The following ATP9A variants were observed in gnomAD, a reference collection of about 807,000 sequenced individuals.
The protein encoded by ATP9A is ATPase phospholipid transporting 9A.
In ATP9A, 52 loss-of-function variants were observed where a neutral mutation model predicts 144.1. The observed-to-expected ratio is 0.36, with a 90% CI of 0.29 to 0.45. ATP9A has a LOEUF of 0.45. Ranked by LOEUF, ATP9A falls within the 20% of genes least tolerant of loss-of-function variation. The pLI is 1.00. For synonymous variants in ATP9A, 582 were observed against 557.4 expected (o/e 1.04, Z -0.62); for missense variants, 947 against 1,392.7 (o/e 0.68, Z 5.09).
chr20:51,625,042 C>A (rs1341319059), intron 18 of ATP9A, 150 bp downstream of exon 18: 2 of 574,566 alleles, frequency 3.5e-6, no homozygotes, highest in Non-Finnish European at 5.6e-6. Context: ...GTTGGAGGGG[C>A]AGAAACAGTG....
intron 2 of ATP9A, among the ~76,000 whole-genome samples, chr20:51,727,577 C>T (rs62226708): frequency 0.068 from 10,256 of 151,504 alleles, 797 homozygotes; most frequent in African/African-American, 0.19. Context: ...CAATGAGTCC[C>T]CCACCTCAAA....
At chr20:51,626,144 AC>A (rs2122729879) in intron 17 of ATP9A, among the ~76,000 whole-genome samples, 1 of 152,322 alleles carries the variant, frequency 6.6e-6, no homozygotes, top group Non-Finnish European at 1.5e-5. Flanking sequence ...GGATGGGATG[AC>A]AATAAGCAAG....
intron 15 of ATP9A, among the ~76,000 whole-genome samples, chr20:51,635,758 G>T (rs1568795695): frequency 8.0e-6 from 1 of 124,842 alleles, no homozygotes; most frequent in African/African-American, 2.9e-5. Context: ...AGGAAAAAGA[G>T]AAGAGAAAAG....
rs12480461 is a variant in ATP9A at position 51,600,212 on chromosome 20, C to G, written c.*999G>C. On this transcript the variant is annotated 3_prime_UTR_variant, in exon 28 of 28. Transcript: ENST00000338821. ...TGTGGGGTCATCTTCCATTATGCCT[C>G]CTAACAGGAAACAGGCTTCTATGGA... is the stretch of plus-strand genomic sequence containing the variant. 1 of 152,014 alleles carries G rather than the reference C, an allele frequency of 6.6e-6. No individual in the cohort carries two copies. The highest frequency in any genetic ancestry group is 1.9e-4 in the East Asian group (1 of 5,206). 9.4% of individuals were successfully genotyped at this position (152,014 alleles called of 1,614,324 possible).
intron 14 of ATP9A, among the ~76,000 whole-genome samples, chr20:51,653,437 A>G (rs1415928492): frequency 1.3e-5 from 2 of 152,176 alleles, no homozygotes; most frequent in Non-Finnish European, 2.9e-5. Context: ...CAACAGGAGC[A>G]TCAGGGGCCT....
chr20:51,721,463 C>T (rs1457677106), intron 3 of ATP9A, among the ~76,000 whole-genome samples: 1 of 152,030 alleles, frequency 6.6e-6, no homozygotes, highest in Non-Finnish European at 1.5e-5. Context: ...CTACACAAAG[C>T]TTTAAAATTA....
At chr20:51,618,473 C>A (rs934261333) in intron 21 of ATP9A, among the ~76,000 whole-genome samples, 189 bp downstream of exon 21, 9 of 152,106 alleles carry the variant, frequency 5.9e-5, no homozygotes, top group Non-Finnish European at 1.0e-4. Flanking sequence ...TGCTTATCTA[C>A]TCTCCAAGGG....
At chr20:51,628,188 T>C (rs923469883) in intron 16 of ATP9A, among the ~76,000 whole-genome samples, 1 of 152,176 alleles carries the variant, frequency 6.6e-6, no homozygotes, top group Non-Finnish European at 1.5e-5. Flanking sequence ...CAGGCCCCTG[T>C]AGGCATTTGA....
chr20:51,672,917 C>T (rs1381869463), intron 11 of ATP9A, among the ~76,000 whole-genome samples: 1 of 152,118 alleles, frequency 6.6e-6, no homozygotes, highest in East Asian at 1.9e-4. Flanking sequence ...GTAGACCAAA[C>T]TCCCCTTTTT....
At chr20:51,612,879 G>A (rs1274899877) in intron 23 of ATP9A, among the ~76,000 whole-genome samples, 1 of 152,182 alleles carries the variant, frequency 6.6e-6, no homozygotes, top group Non-Finnish European at 1.5e-5. Flanking sequence ...ACTAGGCTCT[G>A]CTGGAAGACA....
chr20:51,625,175 C>A lies in ATP9A; in HGVS notation c.2016+17G>T, dbSNP rs2235859. ...CATTGCCCTGGAGTGCCCTTCCCTG[C>A]GGGCAGCCCGCCCTACCTTGATGCC... On this transcript the variant is annotated intron_variant, in intron 18 of 27. Transcript: ENST00000338821. 0.48 allele frequency: 771,510 copies of A among 1,598,782 alleles called. 188,409 individuals are homozygous for A. The highest frequency in any genetic ancestry group is 0.63 in the African/African-American group (46,898 of 74,796).
intron 14 of ATP9A, among the ~76,000 whole-genome samples, chr20:51,643,182 G>T (rs923749142): frequency 1.3e-5 from 2 of 152,172 alleles, no homozygotes; most frequent in Admixed American, 1.3e-4. Flanking sequence ...TAATGAGTCA[G>T]CCAGCACTAA....
intron 1 of ATP9A, among the ~76,000 whole-genome samples, chr20:51,741,010 C>CAATTAATTAAAATTAAATTTTAATTT (rs2077782590): frequency 1.9e-5 from 2 of 105,530 alleles, no homozygotes; most frequent in East Asian, 4.5e-4. Flanking sequence ...TTTTAAGTTT[C>CAATTAATTAAAATTAAATTTTAATTT]AATTAATTAA....
chr20:51,683,388 C>T (rs1018069767), intron 9 of ATP9A, among the ~76,000 whole-genome samples: 9 of 152,058 alleles, frequency 5.9e-5, no homozygotes, highest in African/African-American at 2.2e-4. Flanking sequence ...CCTCAGCCTC[C>T]TGAGCAGCTG....
intron 13 of ATP9A, among the ~76,000 whole-genome samples, chr20:51,663,176 A>G (rs1348323617): frequency 6.6e-6 from 1 of 152,196 alleles, no homozygotes; most frequent in East Asian, 1.9e-4. Flanking sequence ...TTTACAGGCA[A>G]TTCTGGTGGT....
At chr20:51,702,863 C>G (rs1422399720) in intron 4 of ATP9A, among the ~76,000 whole-genome samples, 1 of 152,136 alleles carries the variant, frequency 6.6e-6, no homozygotes, top group Non-Finnish European at 1.5e-5. Flanking sequence ...GAAAAAATAG[C>G]ACATTGATAG....
intron 1 of ATP9A, among the ~76,000 whole-genome samples, chr20:51,760,279 T>TA (rs1049462458): frequency 6.7e-6 from 1 of 150,018 alleles, no homozygotes; most frequent in Non-Finnish European, 1.5e-5. Flanking sequence ...ATGCGGTTTT[T>TA]AAAAAACAGA....
chr20:51,761,832 G>C (rs560385819), intron 1 of ATP9A, among the ~76,000 whole-genome samples: 1 of 152,044 alleles, frequency 6.6e-6, no homozygotes, highest in Non-Finnish European at 1.5e-5. Flanking sequence ...AGTTAGGTCC[G>C]AAGTCCAAAA....
At chr20:51,635,353 C>T (rs1316118984) in intron 15 of ATP9A, among the ~76,000 whole-genome samples, 1 of 152,164 alleles carries the variant, frequency 6.6e-6, no homozygotes, top group East Asian at 1.9e-4. Context: ...CCCCTTGAGC[C>T]CAGGCTGTGA....
Sources: gnomAD v4.1 joint callset for allele counts (sites outside exome capture counted in the v4.1 genomes callset) on GRCh38, gnomAD v4.1.1 for gene constraint, MANE v1.5 for transcripts, NCBI Gene and HGNC (gene_info 2026-07-23, HGNC 2026-07-21) for gene names.